EYS: variants seen among roughly 807,000 people sequenced by gnomAD.
EYS encodes protein eyes shut homolog.
A neutral mutation model predicts 282.1 loss-of-function variants in EYS; 250 were observed. That is an observed-to-expected ratio of 0.89 (90% confidence interval 0.80 to 0.98). The LOEUF (loss-of-function observed/expected upper bound fraction) is 0.98, where lower values mean the gene tolerates loss of function less well. Among genes scored for constraint, EYS ranks in the 50% least tolerant of loss-of-function variants. EYS has a pLI of 0.00. For synonymous variants in EYS, 1,355 were observed against 1,282.9 expected, an observed-to-expected ratio of 1.06 and a Z score of -1.20; for missense variants, 4,016 against 3,709.0, an observed-to-expected ratio of 1.08 and a Z score of -2.15.
chr6:65,309,683 G>T (rs1324694027), intron 11 of EYS, among the ~76,000 whole-genome samples: 1 of 152,176 alleles, frequency 6.6e-6, no homozygotes, highest in African/African-American at 2.4e-5. Context: ...TTATGGGAAT[G>T]TGTTTTAATT....
chr6:64,703,664 G>A (rs920534691), intron 22 of EYS, among the ~76,000 whole-genome samples: 1 of 151,536 alleles, frequency 6.6e-6, no homozygotes, highest in African/African-American at 2.4e-5. Context: ...CATTCATGAA[G>A]AGGGAATTTT....
intron 2 of EYS, among the ~76,000 whole-genome samples, chr6:65,618,409 T>C (rs1766307844): frequency 6.6e-6 from 1 of 152,258 alleles, no homozygotes; most frequent in Non-Finnish European, 1.5e-5. Context: ...TGTTTGTTTT[T>C]TTCTTGTATA....
Position 65,654,805 on chromosome 6 carries a change from T to C in EYS, c.-447-14913A>G, listed in dbSNP as rs116736958. ...CACCGAAAGAAATGATTTAGGACCA[T>C]ACCACGGAGAGACACAAAGTGGTAC... On this transcript the variant is annotated intron_variant, in intron 1 of 42. Coordinates refer to ENST00000503581, the MANE Select transcript of EYS (RefSeq NM_001142800.2). 7.6e-3 allele frequency among the ~76,000 whole-genome samples: 1,158 copies of C among 151,708 alleles called. 18 individuals are homozygous for C. Among genetic ancestry groups the C allele is most frequent in the African/African-American group, 0.027 (1,100 of 41,444 alleles).
At chr6:64,519,496 C>T (rs1777664202) in intron 26 of EYS, among the ~76,000 whole-genome samples, 1 of 151,778 alleles carries the variant, frequency 6.6e-6, no homozygotes, top group African/African-American at 2.4e-5. Context: ...TCCTAGTGGG[C>T]TTTTAAATGC....
intron 5 of EYS, among the ~76,000 whole-genome samples, chr6:65,480,018 G>T (rs1387510102): frequency 7.1e-6 from 1 of 140,126 alleles, no homozygotes; most frequent in Non-Finnish European, 1.6e-5. Flanking sequence ...AAAAAAAATT[G>T]GCTGTGCATG....
intron 30 of EYS, among the ~76,000 whole-genome samples, chr6:64,243,335 T>C (rs144047725): frequency 2.0e-5 from 3 of 152,192 alleles, no homozygotes; most frequent in African/African-American, 7.2e-5. Context: ...CAAATCTCAG[T>C]GGCTTAACAC....
chr6:64,291,377 A>G (rs1424531789), intron 30 of EYS, among the ~76,000 whole-genome samples: 2 of 152,090 alleles, frequency 1.3e-5, no homozygotes, highest in Non-Finnish European at 2.9e-5. Flanking sequence ...AAATTATATC[A>G]TATAGGATTA....
At chr6:65,337,549 G>C (rs1345689736) in intron 10 of EYS, among the ~76,000 whole-genome samples, 1 of 150,714 alleles carries the variant, frequency 6.6e-6, no homozygotes, top group East Asian at 2.0e-4. Context: ...AGGTAGTTTA[G>C]CTTCCTGAGA....
chr6:65,393,319 T>G (rs201147551), intron 7 of EYS, among the ~76,000 whole-genome samples: 1 of 152,182 alleles, frequency 6.6e-6, no homozygotes, highest in Non-Finnish European at 1.5e-5. Flanking sequence ...ACTTAAAATA[T>G]AATTTAAAAA....
chr6:64,192,981 A>G (rs1765162688), intron 31 of EYS, among the ~76,000 whole-genome samples: 1 of 152,162 alleles, frequency 6.6e-6, no homozygotes, highest in Admixed American at 6.5e-5. Context: ...CACTGGCATC[A>G]TTTTTCAATC....
At chr6:63,891,343 T>C (rs903478156) in intron 35 of EYS, among the ~76,000 whole-genome samples, 21 of 152,170 alleles carry the variant, frequency 1.4e-4, no homozygotes, top group African/African-American at 4.8e-4. Context: ...CTCCATAAAA[T>C]ACTAGCAAAC....
At chr6:64,565,484 G>A (rs1234404839) in intron 26 of EYS, among the ~76,000 whole-genome samples, 5 of 151,912 alleles carry the variant, frequency 3.3e-5, no homozygotes, top group African/African-American at 1.2e-4. Flanking sequence ...TTAACTTGGA[G>A]GACATTATAC....
chr6:64,158,182 T>G (rs912820872), intron 31 of EYS, among the ~76,000 whole-genome samples: 1 of 152,214 alleles, frequency 6.6e-6, no homozygotes, highest in Non-Finnish European at 1.5e-5. Context: ...ATGTATTAAC[T>G]TATATTTTCT....
intron 22 of EYS, among the ~76,000 whole-genome samples, chr6:64,772,453 A>G (rs1179512653): frequency 2.6e-5 from 4 of 151,824 alleles, no homozygotes; most frequent in Non-Finnish European, 4.4e-5. Context: ...TAATCACATC[A>G]GGGTGAATGG....
At chr6:65,627,547 C>CGG (rs1261258958) in intron 2 of EYS, among the ~76,000 whole-genome samples, 1 of 152,102 alleles carries the variant, frequency 6.6e-6, no homozygotes, top group African/African-American at 2.4e-5. Context: ...GAGCAGGAAC[C>CGG]GGGGCTGCCT....
intron 2 of EYS, among the ~76,000 whole-genome samples, chr6:65,539,563 C>G (rs1364452201): frequency 6.6e-6 from 1 of 152,034 alleles, no homozygotes; most frequent in Non-Finnish European, 1.5e-5. Flanking sequence ...CTCCGAATCA[C>G]CATGCTAATT....
intron 30 of EYS, among the ~76,000 whole-genome samples, chr6:64,260,607 CTA>C (rs1423357880): frequency 6.6e-6 from 1 of 152,032 alleles, no homozygotes; most frequent in Non-Finnish European, 1.5e-5. Context: ...TCTGCCCTCT[CTA>C]TTAAGATTTT....
At chr6:64,457,325 T>C (rs1254128808) in intron 26 of EYS, among the ~76,000 whole-genome samples, 3 of 152,022 alleles carry the variant, frequency 2.0e-5, no homozygotes, top group African/African-American at 7.2e-5. Context: ...GTTGAAAAAA[T>C]GCATACTCTG....
intron 31 of EYS, among the ~76,000 whole-genome samples, chr6:64,210,649 G>T (rs1407562188): frequency 1.3e-5 from 2 of 152,040 alleles, no homozygotes; most frequent in Non-Finnish European, 2.9e-5. Context: ...AAAAATAATG[G>T]CAATGATTAA....
Sources: gnomAD v4.1 joint callset for allele counts (sites outside exome capture counted in the v4.1 genomes callset) on GRCh38, gnomAD v4.1.1 for gene constraint, MANE v1.5 for transcripts, NCBI Gene and HGNC (gene_info 2026-07-23, HGNC 2026-07-21) for gene names.